Variants in DACH1 observed in about 807,000 individuals in gnomAD.
The protein encoded by DACH1 is dachshund family transcription factor 1.
In DACH1, 12 loss-of-function variants were observed where a neutral mutation model predicts 54.2. The ratio of observed to expected loss-of-function variants is 0.22; its 90% CI spans 0.14 to 0.36. DACH1 has a LOEUF of 0.36. Ranked by LOEUF, DACH1 falls within the 10% of genes least tolerant of loss-of-function variation. The pLI is 1.00. For missense variants in DACH1, 805 were observed against 929.8 expected, an observed-to-expected ratio of 0.87 and a Z score of 1.75; for synonymous variants, 386 against 366.2, an observed-to-expected ratio of 1.05 and a Z score of -0.62.
At chr13:71,444,388 T>G (rs1042646164) in intron 10 of DACH1, among the ~76,000 whole-genome samples, 1 of 152,178 alleles carries the variant, frequency 6.6e-6, no homozygotes, top group East Asian at 1.9e-4. Flanking sequence ...TTCAATTATA[T>G]TGAGATTATC....
chr13:71,500,334 T>C (rs774197672), intron 6 of DACH1, among the ~76,000 whole-genome samples: 7 of 152,152 alleles, frequency 4.6e-5, no homozygotes, highest in Non-Finnish European at 7.4e-5. Context: ...CAGGGTGCCA[T>C]AGTTTGATAC....
intron 1 of DACH1, among the ~76,000 whole-genome samples, chr13:71,835,328 A>T (rs1027040610): frequency 1.5e-4 from 23 of 152,122 alleles, no homozygotes; most frequent in Non-Finnish European, 7.4e-5. Flanking sequence ...AAACTAAAGA[A>T]AAAATATTGT....
rs568240833 is a variant in DACH1 at position 71,730,456 on chromosome 13, T to G, written c.849-48546A>C. 3.3e-5 allele frequency among the ~76,000 whole-genome samples: 5 copies of G among 152,352 alleles called. No individual in the cohort carries two copies. In the East Asian group the frequency reaches 5.8e-4, roughly 18 times the overall value. On this transcript the variant is annotated intron_variant, in intron 1 of 10. Coordinates refer to ENST00000613252, the MANE Select transcript of DACH1 (RefSeq NM_080759.6). ...ACATGAAGGACAAGTCTACTCATTC[T>G]GAATGTATTTGAAATAAGCATGAGT...
chr13:71,770,799 C>T (rs555417917), intron 1 of DACH1, among the ~76,000 whole-genome samples: 3 of 151,346 alleles, frequency 2.0e-5, no homozygotes, highest in African/African-American at 7.2e-5. Flanking sequence ...AACTCAAAGA[C>T]TTATGGCAAC....
intron 1 of DACH1, among the ~76,000 whole-genome samples, chr13:71,744,576 A>G (rs970135968): frequency 3.3e-5 from 5 of 152,182 alleles, no homozygotes; most frequent in African/African-American, 1.2e-4. Context: ...TTACTTCCAC[A>G]AGAAGGCAAA....
intron 1 of DACH1, among the ~76,000 whole-genome samples, chr13:71,836,505 CT>C (rs1172505033): frequency 6.6e-6 from 1 of 152,040 alleles, no homozygotes; most frequent in Admixed American, 6.6e-5. Flanking sequence ...ATAGTTTGTT[CT>C]TGTCCCTTAG....
chr13:71,822,116 T>A (rs1446842857), intron 1 of DACH1, among the ~76,000 whole-genome samples: 2 of 151,982 alleles, frequency 1.3e-5, no homozygotes, highest in Non-Finnish European at 2.9e-5. Context: ...TATAAATACA[T>A]CCACATAAAC....
At chr13:71,655,523 A>G (rs1000142463) in intron 2 of DACH1, among the ~76,000 whole-genome samples, 1 of 151,762 alleles carries the variant, frequency 6.6e-6, no homozygotes, top group Non-Finnish European at 1.5e-5. Context: ...GGTGCCCGCC[A>G]CCATGCCCGG....
chr13:71,520,145 C>G (rs1203582608), intron 6 of DACH1, among the ~76,000 whole-genome samples: 1 of 151,164 alleles, frequency 6.6e-6, no homozygotes. Flanking sequence ...TGGGTTTCTT[C>G]CATGTTTTGT....
rs557266661 is a variant in DACH1, at chr13:71,807,031, G to A, written c.848+58891C>T. Among the ~76,000 whole-genome samples, 38 of 152,246 alleles carry A rather than the reference G, an allele frequency of 2.5e-4. 1 individual carries two copies. Among genetic ancestry groups the A allele is most frequent in the Non-Finnish European group, 2.5e-4 (17 of 68,006 alleles). On this transcript the variant is annotated intron_variant, in intron 1 of 10. Transcript: ENST00000613252. ...TAAATAGGGACAGTGCTTCAACTCCGGGGCATAGGTGGGTTCCAGGAATGA... is the reference window on the plus strand; with the variant it reads ...TAAATAGGGACAGTGCTTCAACTCCAGGGCATAGGTGGGTTCCAGGAATGA...
chr13:71,798,698 A>G (rs1887163402), intron 1 of DACH1, among the ~76,000 whole-genome samples: 1 of 152,062 alleles, frequency 6.6e-6, no homozygotes, highest in Non-Finnish European at 1.5e-5. Context: ...TGGACCAGCA[A>G]ATAACCAACT....
chr13:71,495,856 C>T (rs1324363928), intron 6 of DACH1, among the ~76,000 whole-genome samples: 1 of 152,108 alleles, frequency 6.6e-6, no homozygotes, highest in East Asian at 1.9e-4. Flanking sequence ...GATACTTGCA[C>T]TTGTATGTTT....
intron 1 of DACH1, among the ~76,000 whole-genome samples, chr13:71,826,266 TC>T (rs2138194984): frequency 6.6e-6 from 1 of 152,288 alleles, no homozygotes; most frequent in East Asian, 1.9e-4. Context: ...ATTTTAGGTT[TC>T]TTTTTAATGA....
At chr13:71,641,407 T>G (rs1483566242) in intron 2 of DACH1, among the ~76,000 whole-genome samples, 1 of 152,098 alleles carries the variant, frequency 6.6e-6, no homozygotes, top group African/African-American at 2.4e-5. Context: ...AGGCATTATA[T>G]TTTTTACTTC....
At chr13:71,689,225 G>A (rs923170497) in intron 1 of DACH1, among the ~76,000 whole-genome samples, 1 of 152,162 alleles carries the variant, frequency 6.6e-6, no homozygotes, top group African/African-American at 2.4e-5. Flanking sequence ...TAGGAAAACA[G>A]CAATTCACAT....
intron 3 of DACH1, among the ~76,000 whole-genome samples, chr13:71,575,173 C>T (rs1885454045): frequency 1.3e-5 from 2 of 151,882 alleles, no homozygotes; most frequent in South Asian, 4.1e-4. Context: ...TTAAAACTGA[C>T]TATCGGGATA....
At chr13:71,790,397 T>C (rs1886785039) in intron 1 of DACH1, among the ~76,000 whole-genome samples, 1 of 152,140 alleles carries the variant, frequency 6.6e-6, no homozygotes, top group South Asian at 2.1e-4. Flanking sequence ...AGAATTATAA[T>C]GTTGACGCTT....
chr13:71,866,851 G>C lies in DACH1; in HGVS notation c.-82C>G. On this transcript the variant is annotated 5_prime_UTR_variant, in exon 1 of 11. Coordinates refer to ENST00000613252, the MANE Select transcript of DACH1 (RefSeq NM_080759.6). ...CCCCCGGGAGGGGAAGGGGAAAAAA[G>C]GGGGGAGAAGGAGCGAGGGGGGCAA... 4.4e-6 allele frequency: 5 copies of C among 1,125,002 alleles called. No homozygotes were observed. The highest frequency in any genetic ancestry group is 4.4e-6 in the Non-Finnish European group (4 of 900,272). The allele number at this position is 1,125,002 out of a possible 1,614,324, so 69.7% of individuals were successfully genotyped here. A position where few individuals can be genotyped will look rare whatever the true frequency, so the allele number is the denominator to read the frequency against.
At chr13:71,719,685 T>C (rs1883142516) in intron 1 of DACH1, among the ~76,000 whole-genome samples, 1 of 152,048 alleles carries the variant, frequency 6.6e-6, no homozygotes. Context: ...GGTAACATAC[T>C]GAAACCCCAT....
Sources: gnomAD v4.1 joint callset for allele counts (sites outside exome capture counted in the v4.1 genomes callset) on GRCh38, gnomAD v4.1.1 for gene constraint, MANE v1.5 for transcripts, NCBI Gene and HGNC (gene_info 2026-07-23, HGNC 2026-07-21) for gene names.